The following WDR45 variants were observed in gnomAD, a reference collection of about 807,000 sequenced individuals.
The protein encoded by WDR45 is WD repeat domain phosphoinositide-interacting protein 4.
In WDR45, 2 loss-of-function variants were observed where a neutral mutation model predicts 27.3. The observed-to-expected ratio is 0.07, with a 90% CI of 0.03 to 0.23. WDR45 has a LOEUF of 0.23. WDR45 is among the 10% of genes least tolerant of loss of function. The probability of loss-of-function intolerance (pLI) is 1.00; values close to 1 mark genes in which losing one functional copy is unlikely to be tolerated. For synonymous variants in WDR45, 99 were observed against 119.2 expected (o/e 0.83, Z 1.11); for missense variants, 175 against 311.9 (o/e 0.56, Z 3.31).
chrX:49,078,149 G>T, intron 1 of WDR45, 37 bp from the exon 2 acceptor site: 1 of 1,144,243 alleles, frequency 8.7e-7, no homozygotes, highest in Non-Finnish European at 1.2e-6. Context: ...AAGAGTCCTG[G>T]AATCTCCCCT....
upstream of WDR45, among the ~76,000 whole-genome samples, chrX:49,083,514 C>CCAGACTCAAA (rs1370453814): frequency 9.1e-6 from 1 of 110,172 alleles, no homozygotes; most frequent in Non-Finnish European, 1.9e-5. Flanking sequence ...CTCTGGAACA[C>CCAGACTCAAA]CAGACTCAAA....
chrX:49,089,552 G>A (rs949122329), intron 2 of WDR45, among the ~76,000 whole-genome samples: 3 of 109,577 alleles, frequency 2.7e-5, no homozygotes, highest in Admixed American at 9.9e-5. Flanking sequence ...GTGCCACCAC[G>A]CCCCACTAAT....
chrX:49,078,127 G>C lies in WDR45; in HGVS notation c.-17-15C>G. On this transcript the variant is annotated splice_polypyrimidine_tract_variant and intron_variant, in intron 1 of 10. Coordinates refer to ENST00000376372, the MANE Select transcript of WDR45 (RefSeq NM_001029896.2). ...GGATTGTTCCTCTGCATACAAATGG[G>C]ATAAAGATGAGAAGAGTCCTGGAAT... 8.4e-7 allele frequency: 1 copy of C among 1,197,124 alleles called. No homozygotes were observed. The highest frequency in any genetic ancestry group is 1.1e-6 in the Non-Finnish European group (1 of 882,489).
At chrX:49,076,796 G>T in intron 4 of WDR45, 46 bp from the exon 5 acceptor site, 1 of 1,076,050 alleles carries the variant, frequency 9.3e-7, no homozygotes, top group East Asian at 3.2e-5. Flanking sequence ...TTTAGGGTAA[G>T]GGGCAGCCCT....
At chrX:49,096,020 C>T (rs782257951) in intron 2 of WDR45, among the ~76,000 whole-genome samples, 41 of 99,494 alleles carry the variant, frequency 4.1e-4, no homozygotes, top group East Asian at 6.5e-4. Context: ...CCACCCACCT[C>T]GGCCTCCCAA....
intron 2 of WDR45, among the ~76,000 whole-genome samples, chrX:49,099,774 A>G (rs1557087836): frequency 9.7e-6 from 1 of 103,214 alleles, no homozygotes; most frequent in African/African-American, 3.8e-5. Context: ...GAGCGAGACT[A>G]TGTCTCAAAA....
upstream of WDR45, among the ~76,000 whole-genome samples, chrX:49,083,069 G>A (rs1179017277): frequency 2.7e-5 from 3 of 110,216 alleles, no homozygotes; most frequent in Admixed American, 9.7e-5. Flanking sequence ...TAGTAGAGAC[G>A]GGGTTTCACC....
intron 2 of WDR45, among the ~76,000 whole-genome samples, chrX:49,089,809 GAA>G (rs2065098416): frequency 1.1e-5 from 1 of 94,620 alleles, no homozygotes; most frequent in Admixed American, 1.2e-4. Flanking sequence ...AAAAAGAAAA[GAA>G]GAGAAAAAAA....
At chrX:49,083,558 G>C (rs1158568365), upstream of WDR45, among the ~76,000 whole-genome samples, 3 of 110,072 alleles carry the variant, frequency 2.7e-5, no homozygotes, top group Admixed American at 2.0e-4. Flanking sequence ...ATTCATGTGG[G>C]TGTCACATAC....
At chrX:49,100,668 G>A (rs2147832603) in intron 1 of WDR45, 1 of 114,539 alleles carries the variant, frequency 8.7e-6, no homozygotes, top group African/African-American at 3.2e-5. Context: ...ATCAGTTTGC[G>A]CCTGGAAAAC....
At chrX:49,089,025 C>T (rs1469366610) in intron 2 of WDR45, among the ~76,000 whole-genome samples, 5 of 112,429 alleles carry the variant, frequency 4.4e-5, no homozygotes, top group Non-Finnish European at 9.4e-5. Context: ...CAGTGGCTCA[C>T]GCTTGTAATC....
upstream of WDR45, among the ~76,000 whole-genome samples, chrX:49,084,434 A>T (rs1368449870): frequency 9.2e-6 from 1 of 108,667 alleles, no homozygotes; most frequent in Admixed American, 9.9e-5. Context: ...TCATGCCTGT[A>T]ATCTCAGCAC....
chrX:49,095,485 G>C (rs1328963690), intron 2 of WDR45, among the ~76,000 whole-genome samples: 1 of 109,521 alleles, frequency 9.1e-6, no homozygotes, highest in Non-Finnish European at 1.9e-5. Flanking sequence ...TTTTGAGATG[G>C]AGTCTTGCTC....
chrX:49,083,422 T>C (rs1557085517), upstream of WDR45, among the ~76,000 whole-genome samples: 1 of 107,776 alleles, frequency 9.3e-6, no homozygotes, highest in African/African-American at 3.4e-5. Flanking sequence ...GATCCTCTCT[T>C]CCTAAGTGAC....
chrX:49,081,678 G>A (rs1168618801), upstream of WDR45, among the ~76,000 whole-genome samples: 1 of 104,753 alleles, frequency 9.5e-6, no homozygotes, highest in Admixed American at 1.0e-4. Context: ...GGAGACGAGC[G>A]AAATTCCCGT....
chrX:49,095,908 G>A (rs1357718099), intron 2 of WDR45, among the ~76,000 whole-genome samples: 1 of 106,975 alleles, frequency 9.3e-6, no homozygotes, highest in East Asian at 2.9e-4. Context: ...AATTACAGGC[G>A]CCAGCTGCCA....
In WDR45 at chrX:49,076,435, G is replaced by A. The variant is rs907563420; in HGVS notation, c.431C>T (p.Pro144Leu). The A allele has an allele frequency of 1.7e-6, 2 of 1,209,756 alleles. No individual in the cohort carries two copies. The highest frequency in any genetic ancestry group is 1.7e-5 in the African/African-American group (1 of 57,389). The change falls in exon 6 of 11, where the codon CCC becomes CTC. Residue 144 changes from proline to leucine, a missense_variant. Pro to Leu is a moderately conservative substitution (Grantham distance 98, BLOSUM62 -3). Coordinates refer to ENST00000376372, the MANE Select transcript of WDR45 (RefSeq NM_001029896.2). Reference protein sequence around the residue: ...KLFEFDTRDNPKGLCDLCPSL... With the variant: ...KLFEFDTRDNLKGLCDLCPSL... ...GTGTATCTGAGCCCTCTCACCCTTG[G>A]GGTTGTCCCGGGTATCAAACTCAAA...
chrX:49,095,456 C>T (rs1210490570), intron 2 of WDR45, among the ~76,000 whole-genome samples: 1 of 109,415 alleles, frequency 9.1e-6, no homozygotes, highest in Non-Finnish European at 1.9e-5. Context: ...CACACCACTA[C>T]ATCCGGCTAA....
chrX:49,098,517 A>G (rs1483583011), intron 2 of WDR45, among the ~76,000 whole-genome samples: 14 of 108,791 alleles, frequency 1.3e-4, no homozygotes, highest in African/African-American at 4.7e-4. Flanking sequence ...GAAAAAAAAA[A>G]GGTAATAAAG....
Sources: allele counts gnomAD v4.1 joint callset (sites outside exome capture counted in the v4.1 genomes callset), GRCh38; gene constraint gnomAD v4.1.1; transcripts MANE v1.5; gene names NCBI Gene and HGNC (gene_info 2026-07-23, HGNC 2026-07-21).